The following CSMD3 variants were observed in gnomAD, a reference collection of about 807,000 sequenced individuals.
The protein encoded by CSMD3 is CUB and sushi domain-containing protein 3.
In CSMD3, 177 loss-of-function variants were observed where a neutral mutation model predicts 435.2. The observed-to-expected ratio is 0.41, with a 90% CI of 0.36 to 0.46. CSMD3 has a LOEUF of 0.46. CSMD3 is among the 20% of genes least tolerant of loss of function. The pLI, the probability that CSMD3 is intolerant of heterozygous loss-of-function variation, is 0.34. For missense variants in CSMD3, 4,265 were observed against 4,504.6 expected (o/e 0.95, Z 1.52); for synonymous variants, 1,656 against 1,520.5 (o/e 1.09, Z -2.07).
chr8:112,252,531 C>T (rs1013000140), intron 63 of CSMD3, among the ~76,000 whole-genome samples: 3 of 151,572 alleles, frequency 2.0e-5, no homozygotes, highest in Non-Finnish European at 3.0e-5. Flanking sequence ...TGCAAGCAAT[C>T]GTTTTTCTCA....
intron 5 of CSMD3, among the ~76,000 whole-genome samples, chr8:113,079,914 C>T (rs537625005): frequency 2.0e-4 from 30 of 152,040 alleles, no homozygotes; most frequent in African/African-American, 6.3e-4. Context: ...ACTTATAATA[C>T]ATAGCCTTGG....
rs556177316 is a variant in CSMD3 at position 112,667,088 on chromosome 8, C to A, written c.2678-673G>T. ...TCCCTAAGCTCACACACAATTGAAA[C>A]CACAATGATAGCATTGTAGTTCCAG... is the stretch of plus-strand genomic sequence containing the variant. On this transcript the variant is annotated intron_variant, in intron 16 of 70. Transcript: ENST00000297405. Among the ~76,000 whole-genome samples the A allele has an allele frequency of 6.6e-5, 10 of 152,228 alleles. No individual in the cohort carries two copies. In the East Asian group the frequency reaches 1.7e-3, roughly 27 times the overall value.
chr8:113,217,990 T>C (rs1044240364), intron 3 of CSMD3, among the ~76,000 whole-genome samples: 9 of 151,222 alleles, frequency 6.0e-5, no homozygotes, highest in Admixed American at 4.0e-4. Flanking sequence ...AAACGTATAA[T>C]AATGTAACTG....
At chr8:113,076,902 A>G (rs2089361796) in intron 5 of CSMD3, among the ~76,000 whole-genome samples, 1 of 152,174 alleles carries the variant, frequency 6.6e-6, no homozygotes, top group Non-Finnish European at 1.5e-5. Flanking sequence ...ATTTATCACA[A>G]GATGGTTTGA....
At chr8:112,684,179 A>G (rs533002227) in intron 15 of CSMD3, among the ~76,000 whole-genome samples, 96 of 152,152 alleles carry the variant, frequency 6.3e-4, no homozygotes, top group African/African-American at 2.3e-3. Context: ...TTATAGATAG[A>G]TAGATGCATA....
chr8:112,461,113 C>T (rs147951364), intron 32 of CSMD3, among the ~76,000 whole-genome samples: 1 of 152,180 alleles, frequency 6.6e-6, no homozygotes, highest in Non-Finnish European at 1.5e-5. Context: ...AAACACCAAA[C>T]ATGTGTGTTT....
rs182088843 is a variant in CSMD3 at position 112,712,631 on chromosome 8, C to T, written c.1973-22581G>A. On this transcript the variant is annotated intron_variant, in intron 13 of 70. Coordinates refer to ENST00000297405, the MANE Select transcript of CSMD3 (RefSeq NM_198123.2). ...CTGGTTTTGACTTTTGGGGTATATT[C>T]GGAATCTTAAGGATCGAGGCATTAA... 3.1e-3 allele frequency among the ~76,000 whole-genome samples: 478 copies of T among 152,058 alleles called. 4 individuals carry two copies. Among genetic ancestry groups the T allele is most frequent in the South Asian group, 7.7e-3 (37 of 4,818 alleles).
At chr8:112,248,098 C>G (rs915500577) in intron 63 of CSMD3, among the ~76,000 whole-genome samples, 9 of 151,988 alleles carry the variant, frequency 5.9e-5, no homozygotes, top group African/African-American at 9.7e-5. Flanking sequence ...CTGGATCTCA[C>G]TTTACTTGAA....
chr8:112,701,446 A>T (rs1352262636), intron 13 of CSMD3, among the ~76,000 whole-genome samples: 1 of 152,114 alleles, frequency 6.6e-6, no homozygotes, highest in East Asian at 1.9e-4. Flanking sequence ...CTCAACTGAG[A>T]TTCTACTCAT....
At chr8:112,274,214 AAG>A (rs201565352) in intron 59 of CSMD3, among the ~76,000 whole-genome samples, 5 of 151,598 alleles carry the variant, frequency 3.3e-5, no homozygotes, top group African/African-American at 1.2e-4. Context: ...GAAAAAAAAA[AAG>A]GAAAGAGTAT....
chr8:113,115,639 T>G (rs2090799690), intron 4 of CSMD3, among the ~76,000 whole-genome samples: 1 of 152,234 alleles, frequency 6.6e-6, no homozygotes, highest in Non-Finnish European at 1.5e-5. Flanking sequence ...GTTTATTAAT[T>G]TTCACTGTTT....
intron 5 of CSMD3, among the ~76,000 whole-genome samples, chr8:113,052,024 T>C (rs1341685256): frequency 1.3e-5 from 2 of 152,242 alleles, no homozygotes; most frequent in African/African-American, 4.8e-5. Context: ...AGGATTTGGA[T>C]ATTTTGACTT....
intron 13 of CSMD3, among the ~76,000 whole-genome samples, chr8:112,739,693 A>G (rs1324123875): frequency 6.6e-6 from 1 of 151,794 alleles, no homozygotes; most frequent in Non-Finnish European, 1.5e-5. Flanking sequence ...GCACACTCAT[A>G]ATTATCAGAG....
intron 13 of CSMD3, among the ~76,000 whole-genome samples, chr8:112,721,705 T>G (rs2076862202): frequency 6.6e-6 from 1 of 152,186 alleles, no homozygotes; most frequent in South Asian, 2.1e-4. Context: ...TGGCACTATT[T>G]GATAGTAGAG....
intron 1 of CSMD3, among the ~76,000 whole-genome samples, chr8:113,401,394 T>C (rs1419062552): frequency 1.3e-5 from 2 of 151,852 alleles, no homozygotes; most frequent in East Asian, 3.9e-4. Context: ...TGTGTTGGTT[T>C]TATTTAAATT....
chr8:112,910,504 A>C (rs1158974033), intron 10 of CSMD3, among the ~76,000 whole-genome samples: 2 of 151,624 alleles, frequency 1.3e-5, no homozygotes, highest in Non-Finnish European at 2.9e-5. Flanking sequence ...AGGGTCTTTC[A>C]CCTCAAGGGA....
intron 55 of CSMD3, 78 bp from the exon 56 acceptor site, chr8:112,291,773 C>T: frequency 1.1e-6 from 1 of 906,818 alleles, no homozygotes; most frequent in Non-Finnish European, 1.7e-6. Flanking sequence ...TAGAAATGTA[C>T]ATACTTAGTT....
chr8:113,436,573 A>AT, intron 1 of CSMD3, 104 bp downstream of exon 1: 1 of 1,025,714 alleles, frequency 9.7e-7, no homozygotes, highest in South Asian at 1.3e-5. Context: ...GTATTATCAG[A>AT]TTATTTTATC....
At chr8:112,343,299 G>A (rs1825354506) in intron 41 of CSMD3, among the ~76,000 whole-genome samples, 1 of 151,920 alleles carries the variant, frequency 6.6e-6, no homozygotes. Flanking sequence ...GCTAGTGAAA[G>A]ACGTGGAAGA....
Sources: allele counts gnomAD v4.1 joint callset (sites outside exome capture counted in the v4.1 genomes callset), GRCh38; gene constraint gnomAD v4.1.1; transcripts MANE v1.5; gene names NCBI Gene and HGNC (gene_info 2026-07-23, HGNC 2026-07-21).